The following ADAM23 variants were observed in gnomAD, a reference collection of about 807,000 sequenced individuals.
ADAM23 encodes the protein disintegrin and metalloproteinase domain-containing protein 23.
ADAM23 carries 33 observed loss-of-function variants against 120.1 expected under a neutral mutation model. The ratio of observed to expected loss-of-function variants is 0.27; its 90% CI spans 0.21 to 0.37. The LOEUF (loss-of-function observed/expected upper bound fraction) is 0.37. Ranked by LOEUF, ADAM23 falls within the 10% of genes least tolerant of loss-of-function variation. ADAM23 has a pLI of 1.00. For synonymous variants in ADAM23, 367 were observed against 375.2 expected (o/e 0.98, Z 0.25); for missense variants, 862 against 1,058.2 (o/e 0.81, Z 2.57).
At chr2:206,472,641 C>G (rs1455648363) in intron 2 of ADAM23, among the ~76,000 whole-genome samples, 2 of 150,180 alleles carry the variant, frequency 1.3e-5, no homozygotes, top group Non-Finnish European at 1.5e-5. Context: ...GTACCTCAAA[C>G]TGAGGTACAT....
At chr2:206,558,147 G>A (rs1697683669) in intron 10 of ADAM23, among the ~76,000 whole-genome samples, 1 of 152,046 alleles carries the variant, frequency 6.6e-6, no homozygotes, top group South Asian at 2.1e-4. Flanking sequence ...AAGATTTTCT[G>A]CCTTTTTCCT....
chr2:206,605,901 C>T (rs1173836677), intron 24 of ADAM23: 2 of 652,400 alleles, frequency 3.1e-6, no homozygotes, highest in Non-Finnish European at 2.7e-6. Flanking sequence ...TTGCCAGTTT[C>T]AGAGTGTTTC....
At chr2:206,480,284 G>A (rs1695869221) in intron 2 of ADAM23, among the ~76,000 whole-genome samples, 1 of 151,968 alleles carries the variant, frequency 6.6e-6, no homozygotes, top group Non-Finnish European at 1.5e-5. Context: ...GGGGAAGGAG[G>A]GAATAGAAAG....
At chr2:206,464,552 G>A (rs1222733429) in intron 2 of ADAM23, among the ~76,000 whole-genome samples, 1 of 151,774 alleles carries the variant, frequency 6.6e-6, no homozygotes, top group Non-Finnish European at 1.5e-5. Context: ...TCCAGCCTGG[G>A]TGACAGAGTG....
chr2:206,581,219 C>A (rs1698213506), intron 18 of ADAM23, among the ~76,000 whole-genome samples: 1 of 152,016 alleles, frequency 6.6e-6, no homozygotes, highest in East Asian at 1.9e-4. Context: ...ATTTCAATTT[C>A]ATTTAGTTCT....
intron 3 of ADAM23, among the ~76,000 whole-genome samples, chr2:206,486,213 C>T (rs1696009944): frequency 2.0e-5 from 3 of 152,110 alleles, no homozygotes; most frequent in Admixed American, 1.3e-4. Flanking sequence ...CTTAGAGGTC[C>T]TTTAATTACA....
intron 4 of ADAM23, among the ~76,000 whole-genome samples, chr2:206,531,659 C>T (rs1697065134): frequency 6.6e-6 from 1 of 152,188 alleles, no homozygotes; most frequent in Non-Finnish European, 1.5e-5. Flanking sequence ...CCCAGAATGG[C>T]TACAGAAAGA....
chr2:206,602,657 A>G (rs751519552), intron 24 of ADAM23, among the ~76,000 whole-genome samples: 2 of 152,178 alleles, frequency 1.3e-5, no homozygotes, highest in Non-Finnish European at 2.9e-5. Context: ...GAAACTCTCT[A>G]AAAATAAGGA....
intron 3 of ADAM23, among the ~76,000 whole-genome samples, chr2:206,526,089 T>C (rs1421352937): frequency 6.6e-6 from 1 of 152,070 alleles, no homozygotes. Context: ...TGGCTGTTTA[T>C]GTGTCTACTT....
At chr2:206,515,277 G>A (rs1009083648) in intron 3 of ADAM23, among the ~76,000 whole-genome samples, 2 of 152,130 alleles carry the variant, frequency 1.3e-5, no homozygotes, top group Admixed American at 1.3e-4. Context: ...ATATTTTCCA[G>A]CCACGGCAGT....
intron 3 of ADAM23, among the ~76,000 whole-genome samples, chr2:206,503,131 T>G (rs895425440): frequency 1.3e-5 from 2 of 152,216 alleles, no homozygotes; most frequent in African/African-American, 2.4e-5. Flanking sequence ...TGGGCCAGTG[T>G]GTACTTAATT....
chr2:206,540,607 G>T (rs1020335466), intron 4 of ADAM23, among the ~76,000 whole-genome samples: 15 of 152,152 alleles, frequency 9.9e-5, no homozygotes, highest in African/African-American at 3.4e-4. Context: ...TCAGGAGATG[G>T]AAAGTGGATG....
At chr2:206,518,759 TA>T (rs1696783601) in intron 3 of ADAM23, among the ~76,000 whole-genome samples, 2 of 152,292 alleles carry the variant, frequency 1.3e-5, no homozygotes, top group African/African-American at 4.8e-5. Context: ...TTGAGGTACA[TA>T]GAAATATGTA....
At chr2:206,547,297 C>T (rs1053226178) in intron 6 of ADAM23, 132 bp from the exon 7 acceptor site, 2 of 614,268 alleles carry the variant, frequency 3.3e-6, no homozygotes. Flanking sequence ...ATACTTTTCA[C>T]TTTTGATAGC....
At chr2:206,488,748 A>G (rs1696065871) in intron 3 of ADAM23, among the ~76,000 whole-genome samples, 1 of 152,168 alleles carries the variant, frequency 6.6e-6, no homozygotes, top group African/African-American at 2.4e-5. Context: ...GTGGAAGTGA[A>G]TGCCAAGGGC....
intron 3 of ADAM23, among the ~76,000 whole-genome samples, chr2:206,515,978 T>C (rs1394559190): frequency 1.3e-5 from 2 of 152,084 alleles, no homozygotes; most frequent in African/African-American, 4.8e-5. Flanking sequence ...TCTGTAAACA[T>C]TTTGGGTTTC....
At chr2:206,459,627 A>T (rs535940038) in intron 2 of ADAM23, among the ~76,000 whole-genome samples, 1 of 152,334 alleles carries the variant, frequency 6.6e-6, no homozygotes, top group East Asian at 1.9e-4. Context: ...CTTCCTTGAT[A>T]CACAGACCTA....
intron 13 of ADAM23, among the ~76,000 whole-genome samples, chr2:206,564,548 G>A (rs72956615): frequency 0.033 from 5,019 of 152,220 alleles, 118 homozygotes; most frequent in Non-Finnish European, 0.05. Context: ...TAGGTACACC[G>A]TCTAGTGTGA....
At chr2:206,589,043 T>C (rs559726142) in intron 20 of ADAM23, among the ~76,000 whole-genome samples, 1 of 152,356 alleles carries the variant, frequency 6.6e-6, no homozygotes, top group African/African-American at 2.4e-5. Context: ...TAGTTTCCTG[T>C]GTGTCAGTCA....
Sources: allele counts gnomAD v4.1 joint callset (sites outside exome capture counted in the v4.1 genomes callset), GRCh38; gene constraint gnomAD v4.1.1; transcripts MANE v1.5; gene names NCBI Gene and HGNC (gene_info 2026-07-23, HGNC 2026-07-21).